PHACTR1: variants seen among roughly 807,000 people sequenced by gnomAD.
PHACTR1 encodes phosphatase and actin regulator 1.
Under a neutral mutation model 69.2 loss-of-function variants are expected in PHACTR1, and 16 were observed. That is an observed-to-expected ratio of 0.23 (90% CI 0.16 to 0.35). PHACTR1 has a LOEUF of 0.35. Among genes scored for constraint, PHACTR1 ranks in the 10% least tolerant of loss-of-function variants. The pLI is 1.00. For synonymous variants in PHACTR1, 312 were observed against 284.5 expected (o/e 1.10, Z -0.97); for missense variants, 510 against 734.7 (o/e 0.69, Z 3.54).
intron 5 of PHACTR1, among the ~76,000 whole-genome samples, chr6:13,071,415 G>A (rs1348529879): frequency 1.3e-5 from 2 of 151,946 alleles, no homozygotes; most frequent in African/African-American, 2.4e-5. Flanking sequence ...GTGACAGAGT[G>A]AGACTCCATC....
intron 7 of PHACTR1, among the ~76,000 whole-genome samples, chr6:13,186,971 A>ATCG (rs1368997257): frequency 3.3e-5 from 5 of 152,168 alleles, no homozygotes; most frequent in African/African-American, 1.2e-4. Flanking sequence ...ACAGTGACCG[A>ATCG]TCGTCAGGCA....
intron 5 of PHACTR1, among the ~76,000 whole-genome samples, chr6:13,114,112 C>G (rs931980244): frequency 2.0e-5 from 3 of 152,166 alleles, no homozygotes; most frequent in African/African-American, 4.8e-5. Flanking sequence ...CCGTGGCTTC[C>G]CTGCCCCCCA....
chr6:12,747,303 C>T (rs1333293162), intron 3 of PHACTR1, among the ~76,000 whole-genome samples: 1 of 152,116 alleles, frequency 6.6e-6, no homozygotes, highest in Non-Finnish European at 1.5e-5. Context: ...CACAACCCTC[C>T]TTCACTTCTT....
chr6:12,807,201 G>T (rs1322099369), intron 4 of PHACTR1, among the ~76,000 whole-genome samples: 1 of 152,128 alleles, frequency 6.6e-6, no homozygotes, highest in African/African-American at 2.4e-5. Context: ...ATCTCACACA[G>T]TACTTAGTAC....
At chr6:13,286,902 A>C (rs1006743109) in intron 14 of PHACTR1, among the ~76,000 whole-genome samples, 161 bp from the exon 15 acceptor site, 1 of 152,170 alleles carries the variant, frequency 6.6e-6, no homozygotes, top group African/African-American at 2.4e-5. Flanking sequence ...TGAAACTTTC[A>C]AAGCCAGGTG....
At chr6:13,145,693 C>T (rs1583571035) in intron 5 of PHACTR1, among the ~76,000 whole-genome samples, 2 of 152,142 alleles carry the variant, frequency 1.3e-5, no homozygotes, top group Admixed American at 6.5e-5. Context: ...TCTGAGCACA[C>T]GAACCAAGGA....
chr6:12,837,278 T>G (rs1778260346), intron 4 of PHACTR1, among the ~76,000 whole-genome samples: 1 of 152,236 alleles, frequency 6.6e-6, no homozygotes, highest in Non-Finnish European at 1.5e-5. Flanking sequence ...ATAGTTGAAA[T>G]AATATCTGTG....
At chr6:13,029,577 A>C (rs1369807203) in intron 4 of PHACTR1, among the ~76,000 whole-genome samples, 5 of 152,234 alleles carry the variant, frequency 3.3e-5, no homozygotes, top group African/African-American at 9.6e-5. Flanking sequence ...GATGGCTACA[A>C]AAATAGATGG....
intron 4 of PHACTR1, among the ~76,000 whole-genome samples, chr6:12,953,048 C>A (rs369674026): frequency 1.3e-5 from 2 of 152,150 alleles, no homozygotes; most frequent in East Asian, 3.8e-4. Context: ...TCTTGCCGGG[C>A]GTGGTGGCTC....
rs1215802161 is a variant in PHACTR1, at chr6:13,245,164, T to C, written c.1391+14971T>C. Among the ~76,000 whole-genome samples, 3 of 152,204 alleles carry C rather than the reference T, an allele frequency of 2.0e-5. No homozygotes were observed. The highest frequency in any genetic ancestry group is 2.9e-5 in the Non-Finnish European group (2 of 68,038). On this transcript the variant is annotated intron_variant, in intron 10 of 14. Transcript: ENST00000332995. This position sits in a 1 kb window ranked among gnomAD's most constrained non-coding sequence, Gnocchi z 4.1. The stretch of plus-strand genomic sequence containing the variant: ...GAACACACATGTGCATGTGTCTTTA[T>C]GGTAGAATGATTTCTGTTCCTTTGG...
At chr6:13,236,015 C>A (rs1427805935) in intron 10 of PHACTR1, among the ~76,000 whole-genome samples, 2 of 152,168 alleles carry the variant, frequency 1.3e-5, no homozygotes, top group Non-Finnish European at 2.9e-5. Context: ...TGTCTACCTC[C>A]CTGACATACT....
chr6:13,014,607 G>A (rs1375543200), intron 4 of PHACTR1, among the ~76,000 whole-genome samples: 1 of 152,178 alleles, frequency 6.6e-6, no homozygotes, highest in East Asian at 1.9e-4. Context: ...GCGGCGCCCA[G>A]AGCCCTAGAG....
rs78717753 is a variant in PHACTR1, at chr6:12,879,323, G to A, written c.250+129533G>A. On this transcript the variant is annotated intron_variant, in intron 4 of 14. Coordinates refer to ENST00000332995, the MANE Select transcript of PHACTR1 (RefSeq NM_030948.6). ...TTGAGTGTGGAAATTGAGAACAAGC[G>A]TGGAATAAAAAATAATACCATTGCC... 2.8e-3 allele frequency among the ~76,000 whole-genome samples: 419 copies of A among 152,176 alleles called. 2 individuals are homozygous for A. Among genetic ancestry groups the A allele is most frequent in the African/African-American group, 8.3e-3 (343 of 41,522 alleles).
intron 5 of PHACTR1, among the ~76,000 whole-genome samples, chr6:13,087,447 T>C (rs1362982463): frequency 6.6e-6 from 1 of 151,706 alleles, no homozygotes; most frequent in African/African-American, 2.4e-5. Flanking sequence ...AGATGAAATA[T>C]TATCAAACTA....
At chr6:13,143,213 A>G (rs1489581450) in intron 5 of PHACTR1, among the ~76,000 whole-genome samples, 4 of 152,216 alleles carry the variant, frequency 2.6e-5, no homozygotes, top group African/African-American at 9.6e-5. Flanking sequence ...AAGAACTAGC[A>G]TTTGCTAGCA....
At chr6:13,140,146 G>A (rs992281086) in intron 5 of PHACTR1, among the ~76,000 whole-genome samples, 1 of 151,920 alleles carries the variant, frequency 6.6e-6, no homozygotes, top group African/African-American at 2.4e-5. Context: ...AACAAATATT[G>A]ATGAGGATGT....
intron 12 of PHACTR1, chr6:13,280,672 C>A (rs775512313): frequency 3.1e-5 from 10 of 318,466 alleles, no homozygotes; most frequent in Non-Finnish European, 4.9e-5. Flanking sequence ...CAGTCATTTT[C>A]TCTGACCAAA....
chr6:12,933,904 C>T, intron 4 of PHACTR1: 1 of 1,611,650 alleles, frequency 6.2e-7, no homozygotes, highest in South Asian at 1.1e-5. Flanking sequence ...AGGACATTTA[C>T]TCTTTGGTCC....
intron 8 of PHACTR1, among the ~76,000 whole-genome samples, chr6:13,221,817 C>G (rs909932405): frequency 6.6e-6 from 1 of 152,188 alleles, no homozygotes; most frequent in Non-Finnish European, 1.5e-5. Flanking sequence ...GCAGGTGGAT[C>G]ACAAGGTTGG....
Sources: allele counts gnomAD v4.1 joint callset (sites outside exome capture counted in the v4.1 genomes callset), GRCh38; gene constraint gnomAD v4.1.1; non-coding constraint Gnocchi (gnomAD v3.1); transcripts MANE v1.5; gene names NCBI Gene and HGNC (gene_info 2026-07-23, HGNC 2026-07-21).